The following PLCH1 variants were observed in gnomAD, a reference collection of about 807,000 sequenced individuals.
The protein encoded by PLCH1 is 1-phosphatidylinositol 4,5-bisphosphate phosphodiesterase eta-1.
PLCH1 carries 60 observed loss-of-function variants against 126.7 expected under a neutral mutation model. The ratio of observed to expected loss-of-function variants is 0.47; its 90% CI spans 0.38 to 0.59. The LOEUF (loss-of-function observed/expected upper bound fraction) is 0.59. PLCH1 is among the 20% of genes least tolerant of loss of function. PLCH1 has a pLI of 0.00. For missense variants in PLCH1, 1,723 were observed against 2,040.0 expected, an observed-to-expected ratio of 0.84 and a Z score of 2.99; for synonymous variants, 719 against 734.9, an observed-to-expected ratio of 0.98 and a Z score of 0.35.
intron 21 of PLCH1, chr3:155,457,593 T>C (rs1170617940): frequency 6.6e-6 from 1 of 152,176 alleles, no homozygotes; most frequent in Non-Finnish European, 1.5e-5. Context: ...ATTTAACCCA[T>C]GCTTGCCTTT....
intron 4 of PLCH1, among the ~76,000 whole-genome samples, chr3:155,591,251 T>C (rs1732128457): frequency 6.6e-6 from 1 of 152,176 alleles, no homozygotes; most frequent in Admixed American, 6.5e-5. Context: ...CTCTTCCTTC[T>C]TTGCTACACA....
At chr3:155,470,523 C>G (rs1036070480) in intron 21 of PLCH1, among the ~76,000 whole-genome samples, 3 of 152,172 alleles carry the variant, frequency 2.0e-5, no homozygotes, top group African/African-American at 7.2e-5. Flanking sequence ...TCCAGGAGAA[C>G]TTCCCCAATC....
intron 19 of PLCH1, 72 bp downstream of exon 19, chr3:155,490,712 G>C (rs1716049050): frequency 1.2e-6 from 1 of 857,908 alleles, no homozygotes; most frequent in Admixed American, 1.9e-5. Flanking sequence ...CTTCTACATA[G>C]ACACTTTTTT....
chr3:155,450,987 T>C (rs1250831623), intron 21 of PLCH1, among the ~76,000 whole-genome samples: 2 of 152,136 alleles, frequency 1.3e-5, no homozygotes, highest in Admixed American at 6.6e-5. Context: ...ACCATGAGGA[T>C]TCATACAGCA....
chr3:155,586,328 A>G lies in PLCH1; in HGVS notation c.471-134T>C, dbSNP rs534965898. The stretch of plus-strand genomic sequence containing the variant: ...TTATTTTGAGGAGCCCCTGCAATCC[A>G]TAGGCTCTGATGAGCTACTAATAAT... On this transcript the variant is annotated intron_variant, in intron 4 of 22. Coordinates refer to ENST00000460012, the MANE Select transcript of PLCH1 (RefSeq NM_014996.4). 237 of 755,532 alleles carry G rather than the reference A, an allele frequency of 3.1e-4. No individual in the cohort carries two copies. In the African/African-American group the frequency reaches 3.9e-3, roughly 13 times the overall value. 46.8% of individuals were successfully genotyped at this position (755,532 alleles called of 1,614,324 possible).
chr3:155,582,234 C>T (rs1730812620), intron 6 of PLCH1, among the ~76,000 whole-genome samples: 1 of 151,554 alleles, frequency 6.6e-6, no homozygotes, highest in Admixed American at 6.6e-5. Flanking sequence ...AGGGGTTCGC[C>T]ACCACAGCCA....
At chr3:155,637,345 T>G (rs959393746) in intron 2 of PLCH1, among the ~76,000 whole-genome samples, 3 of 152,114 alleles carry the variant, frequency 2.0e-5, no homozygotes, top group Non-Finnish European at 4.4e-5. Context: ...GGGCACAACA[T>G]CAAGTAAAAA....
intron 2 of PLCH1, among the ~76,000 whole-genome samples, chr3:155,612,777 G>A (rs1735282884): frequency 2.0e-5 from 3 of 151,780 alleles, no homozygotes; most frequent in African/African-American, 4.8e-5. Context: ...GCGTGGTGGT[G>A]CATGCCTGTA....
chr3:155,710,160 G>T (rs1746989625), intron 1 of PLCH1, among the ~76,000 whole-genome samples: 1 of 151,844 alleles, frequency 6.6e-6, no homozygotes, highest in African/African-American at 2.4e-5. Context: ...GCGAATTTTT[G>T]TATTTTTTTA....
chr3:155,519,747 A>G (rs1720822790), intron 11 of PLCH1, among the ~76,000 whole-genome samples: 1 of 151,560 alleles, frequency 6.6e-6, no homozygotes, highest in African/African-American at 2.4e-5. Context: ...TTGCATTAAA[A>G]AAAAAAAGGC....
intron 2 of PLCH1, among the ~76,000 whole-genome samples, chr3:155,655,440 A>AAGAAG (rs1553749771): frequency 2.6e-5 from 4 of 151,144 alleles, no homozygotes; most frequent in Admixed American, 6.6e-5. Context: ...AGAAAAAAAA[A>AAGAAG]AAGAAGAAGA....
In PLCH1 at chr3:155,607,795, C is replaced by G. The variant is rs75048658; in HGVS notation, c.80-11417G>C. Among the ~76,000 whole-genome samples, 1,002 of 152,102 alleles carry G rather than the reference C, an allele frequency of 6.6e-3. 12 individuals carry two copies. Among genetic ancestry groups the G allele is most frequent in the African/African-American group, 0.023 (950 of 41,492 alleles). On this transcript the variant is annotated intron_variant, in intron 2 of 22. Transcript: ENST00000460012. ...TATAGGCATTTGGGAAGAAAAATGG[C>G]AGAGAGAAGTCAGGACTAAGATGCA...
At chr3:155,516,262 A>G (rs2108250805) in intron 11 of PLCH1, among the ~76,000 whole-genome samples, 1 of 152,330 alleles carries the variant, frequency 6.6e-6, no homozygotes, top group South Asian at 2.1e-4. Flanking sequence ...CAGACAACCA[A>G]TACAACAGAG....
chr3:155,698,224 A>C (rs1559945177), intron 2 of PLCH1, among the ~76,000 whole-genome samples: 1 of 152,214 alleles, frequency 6.6e-6, no homozygotes, highest in Non-Finnish European at 1.5e-5. Context: ...ACCAGTTACA[A>C]ATGGAATGCT....
chr3:155,506,491 A>C, intron 12 of PLCH1, among the ~76,000 whole-genome samples: 2 of 132,616 alleles, frequency 1.5e-5, no homozygotes, highest in East Asian at 2.7e-4. Context: ...TCCCAATGTT[A>C]TCCCTCCCCC....
chr3:155,453,109 G>C (rs1298149765), intron 21 of PLCH1, among the ~76,000 whole-genome samples: 2 of 152,190 alleles, frequency 1.3e-5, no homozygotes, highest in Non-Finnish European at 2.9e-5. Flanking sequence ...AGTGGAAGCA[G>C]CATTACATCA....
At chr3:155,573,986 CA>C (rs971219882) in intron 6 of PLCH1, among the ~76,000 whole-genome samples, 6 of 151,964 alleles carry the variant, frequency 3.9e-5, no homozygotes, top group Admixed American at 3.9e-4. Flanking sequence ...CAATCTCAGC[CA>C]AATGCAACCT....
rs890915090 is a variant in PLCH1 at position 155,473,684 on chromosome 3, G to C, written c.2938+11672C>G. ...TCCCTGACTTCAAACTATACTACAA[G>C]GCTACAGTAACCAAAACAGCATGGT... On this transcript the variant is annotated intron_variant, in intron 21 of 21. Transcript: ENST00000494598. Among the ~76,000 whole-genome samples, 3 of 152,002 alleles carry C rather than the reference G, an allele frequency of 2.0e-5. No homozygotes were observed. In the East Asian group the frequency reaches 5.8e-4, roughly 29 times the overall value.
chr3:155,464,007 A>G (rs1044579323), intron 21 of PLCH1, among the ~76,000 whole-genome samples: 2 of 152,240 alleles, frequency 1.3e-5, no homozygotes, highest in Non-Finnish European at 2.9e-5. Flanking sequence ...AGGCATGGTC[A>G]TGCCCTTAGG....
Sources: allele counts gnomAD v4.1 joint callset (sites outside exome capture counted in the v4.1 genomes callset), GRCh38; gene constraint gnomAD v4.1.1; transcripts MANE v1.5; gene names NCBI Gene and HGNC (gene_info 2026-07-23, HGNC 2026-07-21).